The following IQGAP2 variants were observed in gnomAD, a reference collection of about 807,000 sequenced individuals.
IQGAP2 encodes the protein ras GTPase-activating-like protein IQGAP2.
In IQGAP2, 173 loss-of-function variants were observed where a neutral mutation model predicts 201.3. The ratio of observed to expected loss-of-function variants is 0.86; its 90% CI spans 0.76 to 0.98. IQGAP2 has a LOEUF of 0.98. IQGAP2 is among the 50% of genes least tolerant of loss of function. IQGAP2 has a pLI of 0.00. For missense variants in IQGAP2, 1,687 were observed against 1,864.8 expected, an observed-to-expected ratio of 0.90 and a Z score of 1.76; for synonymous variants, 675 against 673.9, an observed-to-expected ratio of 1.00 and a Z score of -0.03.
At chr5:76,405,296 TCTGGCA>T (rs1393712534) in intron 1 of IQGAP2, among the ~76,000 whole-genome samples, 1 of 152,196 alleles carries the variant, frequency 6.6e-6, no homozygotes, top group Non-Finnish European at 1.5e-5. Context: ...GGAGTCCAGA[TCTGGCA>T]AGCCTGAAGC....
chr5:76,600,584 T>C (rs1747362387), intron 10 of IQGAP2, among the ~76,000 whole-genome samples: 1 of 152,126 alleles, frequency 6.6e-6, no homozygotes, highest in South Asian at 2.1e-4. Flanking sequence ...AATCGTAACT[T>C]TTCATTGTAA....
At chr5:76,530,799 A>G (rs1042912876) in intron 2 of IQGAP2, among the ~76,000 whole-genome samples, 7 of 152,234 alleles carry the variant, frequency 4.6e-5, no homozygotes, top group Admixed American at 4.6e-4. Context: ...CACATAAAGC[A>G]TTTCTTAAAA....
chr5:76,619,765 G>T (rs754889171), intron 13 of IQGAP2, among the ~76,000 whole-genome samples: 1 of 151,994 alleles, frequency 6.6e-6, no homozygotes, highest in Non-Finnish European at 1.5e-5. Context: ...TGATCTGCCC[G>T]CCTCGGCCAC....
At chr5:76,663,285 G>A (rs1353083637) in intron 21 of IQGAP2, among the ~76,000 whole-genome samples, 3 of 152,200 alleles carry the variant, frequency 2.0e-5, no homozygotes, top group Admixed American at 6.5e-5. Flanking sequence ...ACTGCCCATA[G>A]TGCCCCTCTA....
At chr5:76,426,372 A>C (rs748147978) in intron 1 of IQGAP2, among the ~76,000 whole-genome samples, 1 of 152,210 alleles carries the variant, frequency 6.6e-6, no homozygotes, top group East Asian at 1.9e-4. Context: ...CACCCTGCCC[A>C]TAAGGATGGG....
At chr5:76,572,948 T>C (rs1434417207) in intron 4 of IQGAP2, among the ~76,000 whole-genome samples, 1 of 152,240 alleles carries the variant, frequency 6.6e-6, no homozygotes, top group Non-Finnish European at 1.5e-5. Context: ...TCATTTTATC[T>C]TGAAATGATC....
At chr5:76,601,028 T>C (rs185869530) in intron 11 of IQGAP2, 56 bp downstream of exon 11, 167 of 1,556,298 alleles carry the variant, frequency 1.1e-4, no homozygotes, top group Non-Finnish European at 1.4e-4. Flanking sequence ...TTGGCAGATC[T>C]TAAAAGTGAG....
chr5:76,514,968 T>C (rs1580361739), intron 2 of IQGAP2, among the ~76,000 whole-genome samples: 1 of 152,236 alleles, frequency 6.6e-6, no homozygotes, highest in Non-Finnish European at 1.5e-5. Context: ...ATGACTGTTA[T>C]TGTGACGTAC....
At chr5:76,574,018 T>A (rs1438724917) in intron 4 of IQGAP2, among the ~76,000 whole-genome samples, 3 of 152,094 alleles carry the variant, frequency 2.0e-5, no homozygotes, top group East Asian at 3.9e-4. Context: ...TTTCTTTAAG[T>A]ACTTAGTAAT....
chr5:76,606,277 A>T lies in IQGAP2; in HGVS notation c.1331A>T (p.Asn444Ile), dbSNP rs376098110. Residue 444 changes from asparagine to isoleucine, a missense_variant, in exon 12 of 36, where the codon AAT becomes ATT. Asn to Ile is a moderately radical substitution (Grantham distance 149). Transcript: ENST00000274364. ...NEIQNCIDMV[N>I]AQIQEENDRV... is the part of the protein sequence containing the mutation. ...ATTCAGAATTGTATTGATATGGTTA[A>T]TGCTCAAATTCAAGAAGAAAATGAC... The T allele has an allele frequency of 1.2e-4, 198 of 1,600,020 alleles. No individual in the cohort carries two copies. The highest frequency in any genetic ancestry group is 1.5e-4 in the Non-Finnish European group (179 of 1,173,384).
At chr5:76,585,747 C>T (rs962556083) in intron 5 of IQGAP2, among the ~76,000 whole-genome samples, 1 of 152,090 alleles carries the variant, frequency 6.6e-6, no homozygotes, top group Non-Finnish European at 1.5e-5. Flanking sequence ...CTCTCAACCT[C>T]AGGTGATTTG....
chr5:76,478,410 T>C (rs539903409), intron 2 of IQGAP2, among the ~76,000 whole-genome samples: 1 of 152,134 alleles, frequency 6.6e-6, no homozygotes, highest in South Asian at 2.1e-4. Context: ...AGAAAAAAAA[T>C]AATTTAGCAT....
At chr5:76,518,563 A>G (rs1224820528) in intron 2 of IQGAP2, among the ~76,000 whole-genome samples, 1 of 152,196 alleles carries the variant, frequency 6.6e-6, no homozygotes, top group Non-Finnish European at 1.5e-5. Flanking sequence ...CATATCAGGG[A>G]CATAAGTGGA....
Position 76,486,646 on chromosome 5 carries a change from T to A in IQGAP2, c.146+24977T>A, listed in dbSNP as rs527543265. ...TTTTGCCAATTCAGTGATTTTTTTT[T>A]TAAAAAAGGATTTCTTTAATAAAAT... On this transcript the variant is annotated intron_variant, in intron 2 of 35. Coordinates refer to ENST00000274364, the MANE Select transcript of IQGAP2 (RefSeq NM_006633.5). 9.0e-3 allele frequency among the ~76,000 whole-genome samples: 1,363 copies of A among 152,130 alleles called. 9 individuals carry two copies. Among genetic ancestry groups the A allele is most frequent in the Non-Finnish European group, 0.015 (987 of 67,954 alleles).
At chr5:76,684,329 T>G (rs1205368943) in intron 30 of IQGAP2, among the ~76,000 whole-genome samples, 1 of 152,238 alleles carries the variant, frequency 6.6e-6, no homozygotes, top group Non-Finnish European at 1.5e-5. Flanking sequence ...GACATTATGA[T>G]AGCATCTGAT....
At chr5:76,446,099 C>G (rs561385527) in intron 1 of IQGAP2, among the ~76,000 whole-genome samples, 2 of 152,252 alleles carry the variant, frequency 1.3e-5, no homozygotes, top group African/African-American at 4.8e-5. Flanking sequence ...TTCGTGGACT[C>G]TTGAGTTGCT....
chr5:76,574,680 A>C (rs1745351305), intron 4 of IQGAP2, among the ~76,000 whole-genome samples: 3 of 152,258 alleles, frequency 2.0e-5, no homozygotes, highest in South Asian at 2.1e-4. Flanking sequence ...AAACCTTCAC[A>C]TGTACCCCAA....
chr5:76,672,073 G>C, intron 24 of IQGAP2, 90 bp downstream of exon 24: 1 of 981,018 alleles, frequency 1.0e-6, no homozygotes, highest in Non-Finnish European at 1.5e-6. Context: ...TTTGTTAGGC[G>C]AACTGTACAA....
chr5:76,633,114 A>T (rs1388663151), intron 15 of IQGAP2, among the ~76,000 whole-genome samples: 1 of 152,228 alleles, frequency 6.6e-6, no homozygotes, highest in Non-Finnish European at 1.5e-5. Flanking sequence ...GAAAAAACTT[A>T]GTTCATCTTC....
Sources: allele counts gnomAD v4.1 joint callset (sites outside exome capture counted in the v4.1 genomes callset), GRCh38; gene constraint gnomAD v4.1.1; transcripts MANE v1.5; gene names NCBI Gene and HGNC (gene_info 2026-07-23, HGNC 2026-07-21).